The following TTC3 variants were observed in gnomAD, a reference collection of about 807,000 sequenced individuals.
TTC3 encodes E3 ubiquitin-protein ligase TTC3.
Under a neutral mutation model 249.6 loss-of-function variants are expected in TTC3, and 180 were observed. The observed-to-expected ratio is 0.72, with a 90% CI of 0.64 to 0.82. The LOEUF is 0.82. Among genes scored for constraint, TTC3 ranks in the 40% least tolerant of loss-of-function variants. The probability of loss-of-function intolerance (pLI) is 0.00; values close to 1 mark genes in which losing one functional copy is unlikely to be tolerated. For missense variants in TTC3, 2,061 were observed against 2,398.4 expected (o/e 0.86, Z 2.94); for synonymous variants, 717 against 805.0 (o/e 0.89, Z 1.85).
chr21:37,150,942 T>A, intron 25 of TTC3, 58 bp downstream of exon 25: 1 of 1,246,122 alleles, frequency 8.0e-7, no homozygotes, highest in Non-Finnish European at 1.1e-6. Context: ...TATAATTCTA[T>A]TAAATGCAGA....
intron 6 of TTC3, among the ~76,000 whole-genome samples, chr21:37,090,786 A>T (rs545313227): frequency 1.3e-5 from 2 of 152,314 alleles, no homozygotes; most frequent in East Asian, 1.9e-4. Context: ...AGATCACTGC[A>T]CTGAGTGCCC....
chr21:37,154,363 C>T (rs565394034), intron 27 of TTC3, among the ~76,000 whole-genome samples: 19 of 152,250 alleles, frequency 1.2e-4, no homozygotes, highest in East Asian at 3.9e-4. Flanking sequence ...CCAGAAGAGA[C>T]GATGTAAGAT....
At chr21:37,195,793 C>T in exon 42 of TTC3, 1 of 1,614,212 alleles carries the variant, frequency 6.2e-7, no homozygotes. Flanking sequence ...GTGTTCTCTG[C>T]TGGTGATTCC....
chr21:37,165,836 A>C (rs754098413), exon 33 of TTC3: 1 of 1,614,222 alleles, frequency 6.2e-7, no homozygotes, highest in South Asian at 1.1e-5. Flanking sequence ...ACTACAACTG[A>C]ATCCAGCTGC....
chr21:37,139,227 A>G (rs1388349025), intron 19 of TTC3, among the ~76,000 whole-genome samples: 1 of 152,112 alleles, frequency 6.6e-6, no homozygotes, highest in African/African-American at 2.4e-5. Flanking sequence ...GGTAACAATG[A>G]TAACGTTAGT....
rs557233852 is a variant in TTC3 at position 37,144,662 on chromosome 21, G to T, written c.1893+17G>T. ...AAAATAAAGGTAACCATTTATTTTT[G>T]CAGAGTGTTTCTTACTGTGAATGCT... On this transcript the variant is annotated intron_variant, in intron 21 of 45. Coordinates refer to ENST00000355666, the Ensembl canonical transcript of TTC3. 4 of 1,602,128 alleles carry T rather than the reference G, an allele frequency of 2.5e-6. No homozygotes were observed. The African/African-American group carries it at 4.0e-5, about 16-fold the overall frequency.
At chr21:37,100,840 G>A (rs2074415200) in intron 10 of TTC3, 1 of 152,222 alleles carries the variant, frequency 6.6e-6, no homozygotes, top group African/African-American at 2.4e-5. Flanking sequence ...TTTCAAATAT[G>A]AGTTGGTAAC....
In TTC3 at chr21:37,117,849, A is replaced by G. The variant is rs568655004; in HGVS notation, c.901-3968A>G. Among the ~76,000 whole-genome samples, 377 of 150,432 alleles carry G rather than the reference A, an allele frequency of 2.5e-3. 2 individuals are homozygous for G. Among genetic ancestry groups the G allele is most frequent in the South Asian group, 0.016 (77 of 4,816 alleles). On this transcript the variant is annotated intron_variant, in intron 11 of 45. Coordinates refer to ENST00000355666, the Ensembl canonical transcript of TTC3. ...TTGCGCCACTTCAAAAAAAAAAAAA[A>G]AAAAGAAAAAAGAAAAAAACTTTAA...
At chr21:37,080,466 A>G (rs1006985811) in intron 1 of TTC3, among the ~76,000 whole-genome samples, 11 of 151,448 alleles carry the variant, frequency 7.3e-5, no homozygotes, top group Non-Finnish European at 1.5e-4. Flanking sequence ...TGTAATTGTT[A>G]AGTGTCTATT....
At chr21:37,197,449 T>A in intron 42 of TTC3, 121 bp from the exon 43 acceptor site, 2 of 1,246,746 alleles carry the variant, frequency 1.6e-6, no homozygotes, top group South Asian at 1.3e-5. Context: ...GTCTTCAGAT[T>A]AATTTTATGT....
At chr21:37,190,425 T>TGCCC (rs1374237990) in intron 39 of TTC3, among the ~76,000 whole-genome samples, 1 of 152,110 alleles carries the variant, frequency 6.6e-6, no homozygotes, top group Non-Finnish European at 1.5e-5. Flanking sequence ...TGAGCCACCA[T>TGCCC]GCCCGGCCCC....
rs377222802 is a variant in TTC3 at position 37,154,690 on chromosome 21, T to TTTTG, written c.2740+1429_2740+1432dup. On this transcript the variant is annotated intron_variant, in intron 27 of 45. Transcript: ENST00000355666. ...TCTTTTGATATAAACCATGTGTTTT[T>TTTTG]TTTGTTTGTTTGTTTGTTTTTTTGA... Among the ~76,000 whole-genome samples the TTTTG allele has an allele frequency of 1.8e-3, 269 of 152,192 alleles. 3 individuals carry two copies. The highest frequency in any genetic ancestry group is 5.9e-3 in the African/African-American group (245 of 41,526).
chr21:37,195,837 C>A (rs755473872), exon 42 of TTC3: 2 of 1,614,124 alleles, frequency 1.2e-6, no homozygotes, highest in Admixed American at 3.3e-5. Context: ...GTTGCCAGGG[C>A]CACCCCCTGG....
exon 41 of TTC3, chr21:37,192,136 G>A (rs1217557519): frequency 1.9e-6 from 3 of 1,603,482 alleles, no homozygotes; most frequent in African/African-American, 1.3e-5. Flanking sequence ...ACAAATTAAG[G>A]CAATTAAAAA....
At position 37,144,491 on chromosome 21, in the gene TTC3, A is replaced by G. The variant is rs1371628093; in HGVS notation, c.1773-34A>G. The G allele has an allele frequency of 6.9e-6, 11 of 1,595,088 alleles. No homozygotes were observed. The South Asian group carries it at 1.1e-4, about 17-fold the overall frequency. ...GAAGGGAGTGAAAATACCATTTTACATCTTTAATGCCTTTTTCATAATTAT... is the reference window on the plus strand; with the variant it reads ...GAAGGGAGTGAAAATACCATTTTACGTCTTTAATGCCTTTTTCATAATTAT... On this transcript the variant is annotated intron_variant, in intron 20 of 45. Coordinates refer to ENST00000355666, the Ensembl canonical transcript of TTC3.
chr21:37,182,706 G>A, intron 35 of TTC3, 68 bp from the exon 36 acceptor site: 1 of 1,418,492 alleles, frequency 7.0e-7, no homozygotes, highest in Non-Finnish European at 9.4e-7. Flanking sequence ...CACAATTCTA[G>A]CCTTTCAGTC....
intron 28 of TTC3, among the ~76,000 whole-genome samples, chr21:37,158,774 C>G (rs1282798101): frequency 6.6e-6 from 1 of 152,142 alleles, no homozygotes; most frequent in South Asian, 2.1e-4. Flanking sequence ...TAATTAGTCT[C>G]AATTCTTTCT....
chr21:37,165,561 A>C, exon 33 of TTC3: 1 of 1,584,946 alleles, frequency 6.3e-7, no homozygotes, highest in Non-Finnish European at 8.6e-7. Flanking sequence ...TACTTCTCTC[A>C]GTTTTTGGAG....
intron 1 of TTC3, among the ~76,000 whole-genome samples, chr21:37,074,755 A>G (rs2070593242): frequency 6.6e-6 from 1 of 152,224 alleles, no homozygotes; most frequent in Non-Finnish European, 1.5e-5. Context: ...AGACCCAGCT[A>G]CTGCTCCGAT....
Sources: allele counts gnomAD v4.1 joint callset (sites outside exome capture counted in the v4.1 genomes callset), GRCh38; gene constraint gnomAD v4.1.1; transcripts MANE v1.5; gene names NCBI Gene and HGNC (gene_info 2026-07-23, HGNC 2026-07-21).